The following RDH12 variants were observed in gnomAD, a reference collection of about 807,000 sequenced individuals.
The protein encoded by RDH12 is retinol dehydrogenase 12, also known as all-trans and 9-cis retinol dehydrogenase.
In RDH12, 21 loss-of-function variants were observed where a neutral mutation model predicts 34.0. That is an observed-to-expected ratio of 0.62 (90% CI 0.44 to 0.89). The LOEUF (loss-of-function observed/expected upper bound fraction) is 0.89, where lower values mean the gene tolerates loss of function less well. RDH12 is among the 40% of genes least tolerant of loss of function. The probability of loss-of-function intolerance (pLI) is 0.00; values close to 1 mark genes in which losing one functional copy is unlikely to be tolerated. For missense variants in RDH12, 394 were observed against 398.6 expected, an observed-to-expected ratio of 0.99 and a Z score of 0.10; for synonymous variants, 198 against 169.9, an observed-to-expected ratio of 1.17 and a Z score of -1.29.
At chr14:67,730,692 C>G (rs190664350) in intron 8 of RDH12, among the ~76,000 whole-genome samples, 1 of 152,106 alleles carries the variant, frequency 6.6e-6, no homozygotes, top group Non-Finnish European at 1.5e-5. Flanking sequence ...CAACTTCAGC[C>G]TCCTGGGTTC....
In RDH12 at chr14:67,725,101, G is replaced by A. The variant is rs374310344; in HGVS notation, c.190G>A (p.Ala64Thr). The change falls in exon 5 of 9, where the codon GCC becomes ACC. Residue 64 changes from alanine (A) to threonine (T), a missense_variant and splice_region_variant. Coordinates refer to ENST00000551171, the MANE Select transcript of RDH12 (RefSeq NM_152443.3). ...CTCTTTTTTTGTCTTGGACCCAGGA[G>A]CCCGAGTCTATATTGCCTGCAGAGA... is the stretch of plus-strand genomic sequence containing the variant. ...ETARELASRG[A>T]RVYIACRDVL... is the part of the protein sequence containing the mutation. The A allele has an allele frequency of 2.5e-6, 4 of 1,614,050 alleles. No homozygotes were observed. The highest frequency in any genetic ancestry group is 1.3e-5 in the African/African-American group (1 of 74,898).
At chr14:67,711,820 GT>G (rs2038011343) in intron 1 of RDH12, among the ~76,000 whole-genome samples, 1 of 152,202 alleles carries the variant, frequency 6.6e-6, no homozygotes, top group Non-Finnish European at 1.5e-5. Context: ...AAGTCTGATG[GT>G]TCTAGAGGGA....
intron 8 of RDH12, among the ~76,000 whole-genome samples, chr14:67,731,328 C>T (rs2038272084): frequency 6.6e-6 from 1 of 150,674 alleles, no homozygotes; most frequent in Non-Finnish European, 1.5e-5. Flanking sequence ...GATCCTCCTG[C>T]CTCAGCCTCC....
At chr14:67,728,750 T>C (rs1006685370) in intron 7 of RDH12, among the ~76,000 whole-genome samples, 2 of 149,260 alleles carry the variant, frequency 1.3e-5, no homozygotes, top group Non-Finnish European at 3.0e-5. Flanking sequence ...CATCCCTCAA[T>C]CTATACCTCA....
intron 6 of RDH12, 145 bp downstream of exon 6, chr14:67,726,300 A>G (rs1711900488): frequency 2.8e-6 from 2 of 703,574 alleles, no homozygotes; most frequent in African/African-American, 3.5e-5. Context: ...CTTGTTGTTC[A>G]CTGTACCTCT....
chr14:67,729,341 T>C lies in RDH12; in HGVS notation c.809T>C (p.Leu270Pro). 1 of 1,598,288 alleles carries C rather than the reference T, an allele frequency of 6.3e-7. No homozygotes were observed. Among genetic ancestry groups the C allele is most frequent in the South Asian group, 1.1e-5 (1 of 90,988 alleles). The change falls in exon 8 of 9, where the codon CTG becomes CCG. Residue 270 changes from leucine (L) to proline (P), a missense_variant. Transcript: ENST00000551171. Reference sequence around the variant, plus strand: ...GCGCAGACCAGCCTGCACTGCGCCCTGGCTGAGGGCCTGGAGCCCCTGAGT... The same window carrying C: ...GCGCAGACCAGCCTGCACTGCGCCCCGGCTGAGGGCCTGGAGCCCCTGAGT... ...EGAQTSLHCALAEGLEPLSGK... is the reference protein window; with the variant it reads ...EGAQTSLHCAPAEGLEPLSGK...
chr14:67,721,259 C>A (rs971822928), intron 2 of RDH12, among the ~76,000 whole-genome samples: 1 of 152,104 alleles, frequency 6.6e-6, no homozygotes, highest in Non-Finnish European at 1.5e-5. Context: ...GAACACAGAG[C>A]GAGGAAGGGC....
Position 67,722,452 on chromosome 14 carries a change from G to A in RDH12, c.-191G>A. Reference sequence around the variant, plus strand: ...TACATCTCCCAGCAGGCTGTGCTCTGACAGCTCTTGGATTTAAATAGGATT... The same window carrying A: ...TACATCTCCCAGCAGGCTGTGCTCTAACAGCTCTTGGATTTAAATAGGATT... On this transcript the variant is annotated 5_prime_UTR_variant, in exon 3 of 9. Transcript: ENST00000551171. The A allele has an allele frequency of 1.5e-6, 1 of 674,296 alleles. No homozygotes were observed. Among genetic ancestry groups the A allele is most frequent in the Non-Finnish European group, 2.7e-6 (1 of 369,650 alleles). 41.8% of individuals were successfully genotyped at this position (674,296 alleles called of 1,614,324 possible).
At chr14:67,704,187 A>C (rs1370206922) in intron 1 of RDH12, among the ~76,000 whole-genome samples, 2 of 152,130 alleles carry the variant, frequency 1.3e-5, no homozygotes, top group Non-Finnish European at 2.9e-5. Context: ...ATCTGTGCCT[A>C]AGAGGTGTAT....
intron 3 of RDH12, 78 bp from the exon 4 acceptor site, chr14:67,724,395 T>C (rs66798921): frequency 3.9e-6 from 1 of 255,484 alleles, no homozygotes; most frequent in Non-Finnish European, 5.1e-6. Context: ...GGATAGAGTT[T>C]TTTTTTTTTT....
intron 3 of RDH12, among the ~76,000 whole-genome samples, chr14:67,722,968 T>C (rs1479373883): frequency 1.3e-5 from 2 of 152,198 alleles, no homozygotes; most frequent in South Asian, 2.1e-4. Context: ...GAAGGCTGCA[T>C]GGATGACTCT....
chr14:67,727,462 G>T, intron 7 of RDH12: 1 of 393,518 alleles, frequency 2.5e-6, no homozygotes, highest in Non-Finnish European at 4.7e-6. Context: ...TTTTGCAACA[G>T]ACAGAGGCTT....
intron 1 of RDH12, among the ~76,000 whole-genome samples, chr14:67,708,654 A>T (rs2037976566): frequency 6.6e-6 from 1 of 152,202 alleles, no homozygotes; most frequent in African/African-American, 2.4e-5. Flanking sequence ...TTTGGAACAC[A>T]TACCAGTAAC....
chr14:67,733,167 G>A (rs1371220446), intron 8 of RDH12, among the ~76,000 whole-genome samples: 1 of 152,048 alleles, frequency 6.6e-6, no homozygotes, highest in African/African-American at 2.4e-5. Flanking sequence ...TGAGAACTGT[G>A]TTCTGCTCCC....
chr14:67,702,255 C>T (rs895112336), intron 1 of RDH12, among the ~76,000 whole-genome samples: 41 of 152,116 alleles, frequency 2.7e-4, no homozygotes, highest in African/African-American at 8.2e-4. Flanking sequence ...ACACATGAGC[C>T]ACCATGCCTG....
At chr14:67,732,348 G>T (rs1183447823) in intron 8 of RDH12, among the ~76,000 whole-genome samples, 1 of 150,160 alleles carries the variant, frequency 6.7e-6, no homozygotes, top group Non-Finnish European at 1.5e-5. Flanking sequence ...TAAGGTGGGA[G>T]GATGGCTTCA....
chr14:67,714,025 A>G (rs898384596), intron 1 of RDH12, among the ~76,000 whole-genome samples: 5 of 152,200 alleles, frequency 3.3e-5, no homozygotes, highest in African/African-American at 1.2e-4. Flanking sequence ...TCCCAGCTTG[A>G]ATTTTCCCTT....
rs149522949 is a variant in RDH12, at chr14:67,725,175, G to C, written c.264G>C (p.Lys88Asn). 3.1e-6 allele frequency: 5 copies of C among 1,614,176 alleles called. No homozygotes were observed. The highest frequency in any genetic ancestry group is 4.2e-6 in the Non-Finnish European group (5 of 1,180,026). The change falls in exon 5 of 9, where the codon AAG (lysine) becomes AAC (asparagine). Residue 88 changes from lysine to asparagine, a missense_variant. By Grantham distance (94) the Lys-to-Asn change is moderately conservative. Transcript: ENST00000551171. ...CCAGTGAAATCCGAGTGGATACAAA[G>C]AACTCCCAGGTGCTGGTGCGGAAAT... ...SAASEIRVDT[K>N]NSQVLVRKLD...
chr14:67,722,865 G>A (rs1448122793), intron 3 of RDH12, among the ~76,000 whole-genome samples, 155 bp downstream of exon 3: 1 of 152,234 alleles, frequency 6.6e-6, no homozygotes, highest in East Asian at 1.9e-4. Flanking sequence ...TGGATACCAT[G>A]GTGGAAAACC....
Sources: gnomAD v4.1 joint callset for allele counts (sites outside exome capture counted in the v4.1 genomes callset) on GRCh38, gnomAD v4.1.1 for gene constraint, MANE v1.5 for transcripts, NCBI Gene and HGNC (gene_info 2026-07-23, HGNC 2026-07-21) for gene names.